DHX16: variants seen among roughly 807,000 people sequenced by gnomAD.
DHX16 encodes the protein DEAH-box helicase 16.
In DHX16, 81 loss-of-function variants were observed where a neutral mutation model predicts 131.2. That is an observed-to-expected ratio of 0.62 (90% CI 0.52 to 0.74). The LOEUF is 0.74. DHX16 is among the 30% of genes least tolerant of loss of function. The pLI, the probability that DHX16 is intolerant of heterozygous loss-of-function variation, is 0.00. For synonymous variants in DHX16, 440 were observed against 520.2 expected (o/e 0.85, Z 2.10); for missense variants, 980 against 1,363.1 (o/e 0.72, Z 4.43).
chr6:30,671,731 GTTTT>G (rs955787345), intron 1 of DHX16, among the ~76,000 whole-genome samples: 11 of 152,112 alleles, frequency 7.2e-5, no homozygotes, highest in Non-Finnish European at 1.3e-4. Context: ...CCTGAATGGG[GTTTT>G]TTATTTTTTT....
At chr6:30,660,416 T>C (rs1468626260) in intron 9 of DHX16, 174 bp from the exon 10 acceptor site, 6 of 495,854 alleles carry the variant, frequency 1.2e-5, no homozygotes, top group Non-Finnish European at 2.0e-5. Flanking sequence ...CAACAGAAAG[T>C]CAGAGAAGGC....
chr6:30,664,803 C>T lies in DHX16; in HGVS notation c.1315G>A (p.Glu439Lys). Residue 439 changes from glutamate (E) to lysine (K), a missense_variant and splice_region_variant, in exon 7 of 20, where the codon GAG (glutamate) becomes AAG (lysine). This residue lies in a region of DHX16 where 309 missense variants were observed against 537.1 expected (regional missense o/e 0.58). Coordinates refer to ENST00000376442, the MANE Select transcript of DHX16 (RefSeq NM_003587.5). ...TTQIPQYLFE[E>K]GYTNKGMKIA... ...GCTGAAGGGTGAGATGACTGTACCT[C>T]CTCAAAGAGATACTGCGGGATCTGG... is the stretch of plus-strand genomic sequence containing the variant. The T allele has an allele frequency of 6.2e-7, 1 of 1,612,046 alleles. No individual in the cohort carries two copies. Among genetic ancestry groups the T allele is most frequent in the Non-Finnish European group, 8.5e-7 (1 of 1,179,212 alleles).
rs1421850969 is a variant in DHX16, at chr6:30,665,468, C to G, written c.921+11G>C. On this transcript the variant is annotated intron_variant, in intron 5 of 19. Transcript: ENST00000376442. The surrounding 1 kb of genome is among the most constrained non-coding windows in gnomAD (Gnocchi z 4.8). ...GGGACCAAGGCTGAAGCAGACGCCG[C>G]TTCACCTCACCTGTCCTCGGGTTTC... 1 of 1,609,644 alleles carries G rather than the reference C, an allele frequency of 6.2e-7. No homozygotes were observed. Among genetic ancestry groups the G allele is most frequent in the African/African-American group, 1.3e-5 (1 of 74,936 alleles).
Position 30,672,913 on chromosome 6 carries a change from CCTGGAGCCCTCGG to C in DHX16, c.-85_-73del, listed in dbSNP as rs776195610. On this transcript the variant is annotated 5_prime_UTR_variant, in exon 1 of 20. Coordinates refer to ENST00000376442, the MANE Select transcript of DHX16 (RefSeq NM_003587.5). ...CGCTCACTGCTGGGCCGGTCAGAGG[CCTGGAGCCCTCGG>C]CTGGAGCCTCAGCTTCGCAAGTCAG... 59 of 1,589,496 alleles carry C rather than the reference CCTGGAGCCCTCGG, an allele frequency of 3.7e-5. No individual in the cohort carries two copies. The East Asian group carries it at 1.3e-3, about 36-fold the overall frequency.
intron 12 of DHX16, 147 bp from the exon 13 acceptor site, chr6:30,657,239 G>C: frequency 1.3e-6 from 1 of 779,482 alleles, no homozygotes; most frequent in Non-Finnish European, 2.0e-6. Flanking sequence ...AGGAGCAGGG[G>C]ACAAGGCCAG....
In DHX16 at chr6:30,665,505, G is replaced by A; in HGVS notation, c.895C>T (p.His299Tyr). The A allele has an allele frequency of 1.2e-6, 2 of 1,613,020 alleles. No homozygotes were observed. The highest frequency in any genetic ancestry group is 8.5e-7 in the Non-Finnish European group (1 of 1,180,016). The change falls in exon 5 of 20, where the codon CAC (histidine) becomes TAC (tyrosine). Residue 299 changes from histidine (H) to tyrosine (Y), a missense_variant. Coordinates refer to ENST00000376442, the MANE Select transcript of DHX16 (RefSeq NM_003587.5). The surrounding 1 kb of genome is among the most constrained non-coding windows in gnomAD (Gnocchi z 4.8). ...TGTCCTCGGGTTTCCTTGGGCATGT[G>A]GTAGCGATTGGTGGCCTCCAGCTTC... ...QEKLEATNRY[H>Y]MPKETRGQPA...
Position 30,659,031 on chromosome 6 carries a change from C to T in DHX16, c.2007+441G>A, listed in dbSNP as rs116093623. 4.1e-3 allele frequency among the ~76,000 whole-genome samples: 621 copies of T among 152,186 alleles called. 6 individuals are homozygous for T. Among genetic ancestry groups the T allele is most frequent in the African/African-American group, 0.014 (598 of 41,538 alleles). ...CCTCCTAAACAGGTGGGATTATAGGCGCACGCCACCATGCCCTGCTGATTT... is the reference window on the plus strand; with the variant it reads ...CCTCCTAAACAGGTGGGATTATAGGTGCACGCCACCATGCCCTGCTGATTT... On this transcript the variant is annotated intron_variant, in intron 12 of 19. Coordinates refer to ENST00000376442, the MANE Select transcript of DHX16 (RefSeq NM_003587.5).
In DHX16 at chr6:30,670,562, C is replaced by A; in HGVS notation, c.610-96G>T. The A allele has an allele frequency of 7.3e-7, 1 of 1,377,798 alleles. No homozygotes were observed. The highest frequency in any genetic ancestry group is 1.0e-6 in the Non-Finnish European group (1 of 997,286). 85.3% of individuals were successfully genotyped at this position (1,377,798 alleles called of 1,614,324 possible). On this transcript the variant is annotated intron_variant, in intron 3 of 19. Transcript: ENST00000376442. The surrounding 1 kb of genome is among the most constrained non-coding windows in gnomAD (Gnocchi z 4.4). Reference sequence around the variant, plus strand: ...GAATCACAAGGATCATTCAGATGCGCCCTAACACAAAAAATGTCCCCTCTC... The same window carrying A: ...GAATCACAAGGATCATTCAGATGCGACCTAACACAAAAAATGTCCCCTCTC...
chr6:30,660,421 G>C (rs772551915), intron 9 of DHX16, 179 bp from the exon 10 acceptor site: 5 of 486,040 alleles, frequency 1.0e-5, no homozygotes, highest in Non-Finnish European at 1.7e-5. Context: ...GAAAGTCAGA[G>C]AAGGCCAGGG....
chr6:30,662,847 T>C lies in DHX16; in HGVS notation c.1428+64A>G, dbSNP rs752382971. 2 of 1,564,908 alleles carry C rather than the reference T, an allele frequency of 1.3e-6. No individual in the cohort carries two copies. The highest frequency in any genetic ancestry group is 2.2e-4 in the Middle Eastern group (1 of 4,624). On this transcript the variant is annotated intron_variant, in intron 8 of 19. Transcript: ENST00000376442. This position sits in a 1 kb window ranked among gnomAD's most constrained non-coding sequence, Gnocchi z 4.7. ...CACCAAGACTTCTGCTGTAGGGACC[T>C]GAGGGAACTGTAGACTGAGTCACAG... is the stretch of plus-strand genomic sequence containing the variant.
rs1767893770 is a variant in DHX16 at position 30,655,479 on chromosome 6, G to C, written c.2617C>G (p.Leu873Val). The change falls in exon 17 of 20, where the codon CTC becomes GTC. Residue 873 changes from leucine (L) to valine (V), a missense_variant. Physicochemically the swap from Leu to Val is conservative, Grantham distance 32. Coordinates refer to ENST00000376442, the MANE Select transcript of DHX16 (RefSeq NM_003587.5). ...HADNARVNFF[L>V]PGGDHLVLLN... ...AGAACCAGGTGGTCACCGCCAGGGA[G>C]AAAGAAGTTGACACGGGCATTGTCA... is the stretch of plus-strand genomic sequence containing the variant. 6.2e-7 allele frequency: 1 copy of C among 1,613,310 alleles called. No homozygotes were observed. The highest frequency in any genetic ancestry group is 8.5e-7 in the Non-Finnish European group (1 of 1,180,052).
chr6:30,672,756 A>C lies in DHX16; in HGVS notation c.86T>G (p.Phe29Cys), dbSNP rs766336363. ...GCAGCGCTGTGCGGTACCGATCAGA[A>C]ACTGGGCGACGTGCCGCTCGCTCAG... The part of the protein sequence containing the change: ...LGLSERHVAQ[F>C]LIGTAQRCTS... Residue 29 changes from phenylalanine to cysteine, a missense_variant, in exon 1 of 20, where the codon TTT becomes TGT. Phe to Cys is a radical substitution (Grantham distance 205). Around this residue, in one of 3 missense-constraint regions of DHX16, gnomAD observed 457 missense variants for 554.8 expected, o/e 0.82. Transcript: ENST00000376442. The C allele has an allele frequency of 6.2e-7, 1 of 1,613,068 alleles. No individual in the cohort carries two copies. The highest frequency in any genetic ancestry group is 1.1e-5 in the South Asian group (1 of 91,082).
At position 30,672,890 on chromosome 6, in the gene DHX16, C is replaced by G; in HGVS notation, c.-49G>C. ...GGCCCTGAAGCGTCGGGCAGCCGCG[C>G]TCACTGCTGGGCCGGTCAGAGGCCT... On this transcript the variant is annotated 5_prime_UTR_variant, in exon 1 of 20. Coordinates refer to ENST00000376442, the MANE Select transcript of DHX16 (RefSeq NM_003587.5). 1 of 1,605,330 alleles carries G rather than the reference C, an allele frequency of 6.2e-7. No homozygotes were observed. Among genetic ancestry groups the G allele is most frequent in the Non-Finnish European group, 8.5e-7 (1 of 1,176,122 alleles).
In DHX16 at chr6:30,662,899, T is replaced by C. The variant is rs1317688332; in HGVS notation, c.1428+12A>G. On this transcript the variant is annotated intron_variant, in intron 8 of 19. Transcript: ENST00000376442. The surrounding 1 kb of genome is among the most constrained non-coding windows in gnomAD (Gnocchi z 4.7). ...CCCCAGACTCTACCCCCCGGTTCCCTAGAAATCTCACCTCATTCCCAAGCT... is the reference window on the plus strand; with the variant it reads ...CCCCAGACTCTACCCCCCGGTTCCCCAGAAATCTCACCTCATTCCCAAGCT... The C allele has an allele frequency of 6.2e-7, 1 of 1,611,798 alleles. No individual in the cohort carries two copies.
rs142336756 is a variant in DHX16, at chr6:30,656,448, C to T, written c.2373G>A (p.Leu791=). The T allele has an allele frequency of 1.3e-4, 214 of 1,614,174 alleles. 1 individual carries two copies. Among genetic ancestry groups the T allele is most frequent in the Admixed American group, 3.3e-4 (20 of 60,012 alleles). ...CCAGAGCATACAGCTGCTCCAAAGC[C>T]AGCAGCAGTGTCTCATATGGTGGAG... The part of the protein sequence containing the change: ...LDPPPYETLL[L]ALEQLYALGA... The change falls in exon 15 of 20, where the codon CTG becomes CTA. Residue 791 remains leucine, a synonymous_variant. Transcript: ENST00000376442. The surrounding 1 kb of genome is among the most constrained non-coding windows in gnomAD (Gnocchi z 5.1).
rs1292079525 is a variant in DHX16 at position 30,670,789 on chromosome 6, CCTT to C, written c.607_609del (p.Lys203del). 6.2e-7 allele frequency: 1 copy of C among 1,612,826 alleles called. No homozygotes were observed. The highest frequency in any genetic ancestry group is 8.5e-7 in the Non-Finnish European group (1 of 1,180,040). The stretch of plus-strand genomic sequence containing the variant: ...TTACAGAACATGCTGCTCCTATTCA[CCTT>C]CTTGTCTGACCGTTCCAGGACATTT... On this transcript the variant is annotated inframe_deletion and splice_region_variant, in exon 3 of 20. Transcript: ENST00000376442. The surrounding 1 kb of genome is among the most constrained non-coding windows in gnomAD (Gnocchi z 4.4).
chr6:30,659,561 G>A lies in DHX16; in HGVS notation c.1918C>T (p.Arg640Trp), dbSNP rs143108219. 1.1e-4 allele frequency: 182 copies of A among 1,612,842 alleles called. No individual in the cohort carries two copies. Among genetic ancestry groups the A allele is most frequent in the Non-Finnish European group, 1.4e-4 (169 of 1,179,886 alleles). Residue 640 changes from arginine (R) to tryptophan (W), a missense_variant, in exon 12 of 20, where the codon CGG becomes TGG. Arg to Trp is a moderately radical substitution (Grantham distance 101). This residue lies in a region of DHX16 where 309 missense variants were observed against 537.1 expected (regional missense o/e 0.58). Coordinates refer to ENST00000376442, the MANE Select transcript of DHX16 (RefSeq NM_003587.5). The stretch of plus-strand genomic sequence containing the variant: ...TAAATGGGCAGCACCAGGAGCTCCC[G>A]GATTTTGGAGCCCAGGCGGCGGCAG... Reference protein sequence around the residue: ...DRCRRLGSKIRELLVLPIYAN... With the variant: ...DRCRRLGSKIWELLVLPIYAN...
chr6:30,656,475 G>A lies in DHX16; in HGVS notation c.2346C>T (p.Asp782=). ...GCAGCAGTGTCTCATATGGTGGAGG[G>A]TCCAGGAAATCAAAGTGCATTAGGT... is the stretch of plus-strand genomic sequence containing the variant. ...IHDLMHFDFL[D]PPPYETLLLA... The change falls in exon 15 of 20, where the codon GAC becomes GAT. Residue 782 remains aspartate (D), a synonymous_variant. Transcript: ENST00000376442. This position sits in a 1 kb window ranked among gnomAD's most constrained non-coding sequence, Gnocchi z 5.1. 2 of 1,614,178 alleles carry A rather than the reference G, an allele frequency of 1.2e-6. No homozygotes were observed. Among genetic ancestry groups the A allele is most frequent in the Non-Finnish European group, 8.5e-7 (1 of 1,180,028 alleles).
chr6:30,653,260 TG>T lies in DHX16; in HGVS notation c.3107del (p.Thr1036AsnfsTer5). 1 of 1,612,974 alleles carries T rather than the reference TG, an allele frequency of 6.2e-7. No individual in the cohort carries two copies. Among genetic ancestry groups the T allele is most frequent in the Non-Finnish European group, 8.5e-7 (1 of 1,180,012 alleles). On this transcript the variant is annotated frameshift_variant, in exon 20 of 20. Transcript: ENST00000376442. LOFTEE classifies it high-confidence loss of function. ...AKKMPKKIGK[T>X]REELG is the part of the protein sequence containing the mutation. The stretch of plus-strand genomic sequence containing the variant: ...CCTTCTCTTACCCTAGCTCTTCTCG[TG>T]TTTTGCCTATTTTTTTGGGCATTTT...
Sources: allele counts gnomAD v4.1 joint callset (sites outside exome capture counted in the v4.1 genomes callset), GRCh38; gene constraint gnomAD v4.1.1; regional missense constraint gnomAD v4.1.1; non-coding constraint Gnocchi (gnomAD v3.1); transcripts MANE v1.5; gene names NCBI Gene and HGNC (gene_info 2026-07-23, HGNC 2026-07-21).